SSBP2: variants seen among roughly 807,000 people sequenced by gnomAD.
The protein encoded by SSBP2 is single stranded DNA binding protein 2, also known as single-stranded DNA-binding protein 2.
In SSBP2, 17 loss-of-function variants were observed where a neutral mutation model predicts 61.8. That is an observed-to-expected ratio of 0.28 (90% CI 0.19 to 0.41). The LOEUF (loss-of-function observed/expected upper bound fraction) is 0.41. Among genes scored for constraint, SSBP2 ranks in the 10% least tolerant of loss-of-function variants. The pLI is 1.00. For synonymous variants in SSBP2, 139 were observed against 141.3 expected, an observed-to-expected ratio of 0.98 and a Z score of 0.12; for missense variants, 310 against 458.7, an observed-to-expected ratio of 0.68 and a Z score of 2.96.
chr5:81,478,177 T>C (rs1765719398), intron 6 of SSBP2, among the ~76,000 whole-genome samples: 1 of 152,046 alleles, frequency 6.6e-6, no homozygotes, highest in Non-Finnish European at 1.5e-5. Flanking sequence ...TTTTTATTTT[T>C]TAGAGAAAAG....
chr5:81,598,244 A>G (rs1743988010), intron 4 of SSBP2, among the ~76,000 whole-genome samples: 1 of 152,106 alleles, frequency 6.6e-6, no homozygotes, highest in Admixed American at 6.5e-5. Context: ...GACATATTAC[A>G]TACAGAGGAA....
intron 4 of SSBP2, among the ~76,000 whole-genome samples, chr5:81,547,966 G>A (rs529592504): frequency 2.9e-4 from 44 of 152,226 alleles, no homozygotes; most frequent in African/African-American, 9.9e-4. Context: ...AAACTATTCT[G>A]TATGTTACTG....
intron 1 of SSBP2, among the ~76,000 whole-genome samples, chr5:81,743,441 T>C (rs1757160279): frequency 6.6e-6 from 1 of 152,206 alleles, no homozygotes. Flanking sequence ...TATTTTATTA[T>C]TTTTATAGTA....
chr5:81,572,122 C>T (rs1773885617), intron 4 of SSBP2, among the ~76,000 whole-genome samples: 1 of 152,140 alleles, frequency 6.6e-6, no homozygotes, highest in Non-Finnish European at 1.5e-5. Context: ...TTTACTTTCA[C>T]AGCATTTTGA....
intron 1 of SSBP2, among the ~76,000 whole-genome samples, chr5:81,652,382 TTCTCTC>T (rs1221294060): frequency 6.6e-6 from 1 of 152,148 alleles, no homozygotes; most frequent in African/African-American, 2.4e-5. Context: ...AGTCCTCACT[TTCTCTC>T]TCTATAAGTC....
chr5:81,514,416 T>G (rs187046855), intron 4 of SSBP2, among the ~76,000 whole-genome samples: 1 of 152,136 alleles, frequency 6.6e-6, no homozygotes, highest in Non-Finnish European at 1.5e-5. Context: ...TTTCATAAAA[T>G]AGGAGTATGA....
intron 4 of SSBP2, among the ~76,000 whole-genome samples, chr5:81,565,344 A>T (rs553172429): frequency 6.6e-6 from 1 of 152,326 alleles, no homozygotes; most frequent in East Asian, 1.9e-4. Flanking sequence ...TTTTAAACAT[A>T]TAGAACATAA....
chr5:81,649,720 A>G (rs1246141614), intron 2 of SSBP2, among the ~76,000 whole-genome samples: 1 of 151,944 alleles, frequency 6.6e-6, no homozygotes, highest in Non-Finnish European at 1.5e-5. Flanking sequence ...TCTCAGCATC[A>G]CATAATATGC....
intron 2 of SSBP2, among the ~76,000 whole-genome samples, chr5:81,647,708 A>G (rs1749388789): frequency 6.6e-6 from 1 of 152,142 alleles, no homozygotes; most frequent in Non-Finnish European, 1.5e-5. Context: ...AGAAATCCTC[A>G]GTTTTTGTAT....
chr5:81,588,481 G>C (rs998148397), intron 4 of SSBP2, among the ~76,000 whole-genome samples: 5 of 151,848 alleles, frequency 3.3e-5, no homozygotes, highest in African/African-American at 1.2e-4. Context: ...CCTCAGTATG[G>C]GGCAGAGGTT....
chr5:81,707,721 G>A (rs930102701), intron 1 of SSBP2, among the ~76,000 whole-genome samples: 1 of 152,078 alleles, frequency 6.6e-6, no homozygotes, highest in African/African-American at 2.4e-5. Flanking sequence ...AAATAGAAAC[G>A]AACTAGAAAT....
chr5:81,476,340 T>A (rs1765592336), intron 6 of SSBP2, among the ~76,000 whole-genome samples: 1 of 152,202 alleles, frequency 6.6e-6, no homozygotes, highest in Admixed American at 6.5e-5. Flanking sequence ...TACCAGAACA[T>A]CATGGAAGAC....
chr5:81,540,647 C>T (rs1328318617), intron 4 of SSBP2, among the ~76,000 whole-genome samples: 2 of 152,022 alleles, frequency 1.3e-5, no homozygotes, highest in African/African-American at 4.8e-5. Context: ...AAGGTATGTA[C>T]ATTGTTTCTT....
chr5:81,718,418 G>A (rs1261455265), intron 1 of SSBP2, among the ~76,000 whole-genome samples: 6 of 152,196 alleles, frequency 3.9e-5, no homozygotes, highest in Non-Finnish European at 5.9e-5. Flanking sequence ...AGATCTAGTA[G>A]TTTTGAAAGC....
In SSBP2 at chr5:81,504,578, T is replaced by C. The variant is rs139320214; in HGVS notation, c.372+9050A>G. ...GGTTTGTTCCCTCTCTTCCTTCAGG[T>C]CTTTACTCAAATACATCTTTTTGAT... On this transcript the variant is annotated intron_variant, in intron 5 of 16. Coordinates refer to ENST00000320672, the MANE Select transcript of SSBP2 (RefSeq NM_012446.5). Among the ~76,000 whole-genome samples the C allele has an allele frequency of 1.9e-3, 296 of 152,272 alleles. 1 individual carries two copies. Among genetic ancestry groups the C allele is most frequent in the African/African-American group, 6.9e-3 (285 of 41,548 alleles).
chr5:81,744,266 A>G (rs970685242), intron 1 of SSBP2, among the ~76,000 whole-genome samples: 6 of 152,358 alleles, frequency 3.9e-5, no homozygotes, highest in Non-Finnish European at 8.8e-5. Flanking sequence ...TTAAAATGAG[A>G]TCATTTTTAA....
intron 4 of SSBP2, among the ~76,000 whole-genome samples, chr5:81,562,722 G>T (rs1437347221): frequency 6.6e-6 from 1 of 151,998 alleles, no homozygotes; most frequent in Non-Finnish European, 1.5e-5. Context: ...ATTTAACAAG[G>T]TAGAAAACCA....
intron 1 of SSBP2, among the ~76,000 whole-genome samples, chr5:81,656,456 T>C (rs1221099084): frequency 2.0e-5 from 3 of 152,214 alleles, no homozygotes; most frequent in African/African-American, 7.2e-5. Flanking sequence ...TATAGCCTTA[T>C]GTCAAGGCTA....
intron 12 of SSBP2, among the ~76,000 whole-genome samples, chr5:81,443,703 C>A (rs1428814292): frequency 2.0e-5 from 3 of 151,994 alleles, no homozygotes; most frequent in Admixed American, 6.5e-5. Context: ...GCTGGGACTA[C>A]AAGTGCATGC....
Sources: allele counts gnomAD v4.1 joint callset (sites outside exome capture counted in the v4.1 genomes callset), GRCh38; gene constraint gnomAD v4.1.1; transcripts MANE v1.5; gene names NCBI Gene and HGNC (gene_info 2026-07-23, HGNC 2026-07-21).